Variants in SCN8A observed in about 807,000 individuals in gnomAD.
SCN8A encodes sodium channel protein type 8 subunit alpha.
A neutral mutation model predicts 184.1 loss-of-function variants in SCN8A; 30 were observed. The ratio of observed to expected loss-of-function variants is 0.16; its 90% CI spans 0.12 to 0.22. SCN8A has a LOEUF of 0.22. Ranked by LOEUF, SCN8A falls within the 10% of genes least tolerant of loss-of-function variation. The pLI is 1.00. For missense variants in SCN8A, 1,057 were observed against 2,498.9 expected (o/e 0.42, Z 12.30); for synonymous variants, 852 against 907.0 (o/e 0.94, Z 1.09).
chr12:51,613,033 C>A (rs1939756907), intron 1 of SCN8A, among the ~76,000 whole-genome samples: 1 of 152,080 alleles, frequency 6.6e-6, no homozygotes, highest in Admixed American at 6.6e-5. Flanking sequence ...ATTTGCTAAT[C>A]TTTTTGTTGA....
chr12:51,718,829 CAT>C (rs764991414), intron 11 of SCN8A, among the ~76,000 whole-genome samples: 1 of 151,942 alleles, frequency 6.6e-6, no homozygotes, highest in African/African-American at 2.4e-5. Flanking sequence ...AAGAGTAACT[CAT>C]GTGAGAATAA....
chr12:51,625,620 C>T (rs1004961824), intron 1 of SCN8A, among the ~76,000 whole-genome samples: 2 of 152,176 alleles, frequency 1.3e-5, no homozygotes, highest in Non-Finnish European at 2.9e-5. Context: ...AATCACCCCT[C>T]CCCCTCTTTT....
At chr12:51,625,195 C>T (rs569457559) in intron 1 of SCN8A, among the ~76,000 whole-genome samples, 2 of 152,318 alleles carry the variant, frequency 1.3e-5, no homozygotes, top group South Asian at 4.1e-4. Flanking sequence ...AGTCAAACAC[C>T]TTCCACTGCA....
chr12:51,598,300 C>T (rs978913661), intron 1 of SCN8A, among the ~76,000 whole-genome samples: 14 of 152,116 alleles, frequency 9.2e-5, no homozygotes, highest in African/African-American at 3.4e-4. Flanking sequence ...ATTCACTCCC[C>T]TCCAACAATT....
Position 51,807,480 on chromosome 12 carries a change from A to T in SCN8A, c.*51A>T. 1 of 1,528,638 alleles carries T rather than the reference A, an allele frequency of 6.5e-7. No homozygotes were observed. 94.7% of individuals were successfully genotyped at this position (1,528,638 alleles called of 1,614,324 possible). On this transcript the variant is annotated 3_prime_UTR_variant, in exon 27 of 27. Coordinates refer to ENST00000627620, the MANE Select transcript of SCN8A (RefSeq NM_001330260.2). The surrounding 1 kb of genome is among the most constrained non-coding windows in gnomAD (Gnocchi z 4.5). ...CAGATCTAAAACTCGCAAGTGAAAGATTGTTTACAAACTTCCTGAATATTA... is the reference window on the plus strand; with the variant it reads ...CAGATCTAAAACTCGCAAGTGAAAGTTTGTTTACAAACTTCCTGAATATTA...
At chr12:51,753,569 A>G (rs986873356) in intron 14 of SCN8A, among the ~76,000 whole-genome samples, 4 of 152,232 alleles carry the variant, frequency 2.6e-5, no homozygotes, top group South Asian at 2.1e-4. Context: ...TTTGTTGCCA[A>G]TCAACACGAG....
chr12:51,656,383 C>A (rs966094548), intron 1 of SCN8A, among the ~76,000 whole-genome samples: 2 of 151,914 alleles, frequency 1.3e-5, no homozygotes, highest in African/African-American at 4.8e-5. Context: ...ACCTACATGG[C>A]CTTGGAATAG....
intron 20 of SCN8A, 84 bp from the exon 21 acceptor site, chr12:51,780,565 C>CTTTCTTTTT (rs1937873239): frequency 1.1e-4 from 33 of 297,812 alleles, no homozygotes; most frequent in Admixed American, 3.3e-4. Flanking sequence ...TGTTTTCTTT[C>CTTTCTTTTT]TTTTTTTTTT....
At chr12:51,782,085 T>A (rs1937941676) in intron 21 of SCN8A, among the ~76,000 whole-genome samples, 1 of 152,264 alleles carries the variant, frequency 6.6e-6, no homozygotes, top group South Asian at 2.1e-4. Context: ...AATTCATGTT[T>A]CTTCTGTAGC....
chr12:51,683,756 G>A (rs1445664233), intron 2 of SCN8A, among the ~76,000 whole-genome samples: 1 of 151,804 alleles, frequency 6.6e-6, no homozygotes, highest in Non-Finnish European at 1.5e-5. Context: ...TAAACTCTTC[G>A]GGCCAAGACT....
At chr12:51,597,323 C>T (rs1454694528) in intron 1 of SCN8A, among the ~76,000 whole-genome samples, 1 of 152,134 alleles carries the variant, frequency 6.6e-6, no homozygotes, top group Non-Finnish European at 1.5e-5. Flanking sequence ...AAGCACTGAA[C>T]TCCCTCAAAA....
chr12:51,721,151 A>G (rs1224328517), intron 11 of SCN8A, among the ~76,000 whole-genome samples: 1 of 133,060 alleles, frequency 7.5e-6, no homozygotes, highest in African/African-American at 2.7e-5. Context: ...TTATTGTTAT[A>G]TATATGATAA....
At chr12:51,623,895 G>A (rs966236360) in intron 1 of SCN8A, among the ~76,000 whole-genome samples, 10 of 152,082 alleles carry the variant, frequency 6.6e-5, no homozygotes, top group Non-Finnish European at 1.2e-4. Flanking sequence ...ATAGTTTGCT[G>A]AGAATGATGG....
intron 20 of SCN8A, among the ~76,000 whole-genome samples, chr12:51,777,823 A>G (rs1937755397): frequency 6.6e-6 from 1 of 152,216 alleles, no homozygotes; most frequent in Non-Finnish European, 1.5e-5. Context: ...AGTTTCTTGC[A>G]ATCTTTACCT....
intron 1 of SCN8A, among the ~76,000 whole-genome samples, chr12:51,654,880 T>C (rs1940789913): frequency 6.6e-6 from 1 of 152,152 alleles, no homozygotes; most frequent in Non-Finnish European, 1.5e-5. Flanking sequence ...TTTTTGTGTG[T>C]TCTAGCATAA....
At position 51,806,173 on chromosome 12, in the gene SCN8A, T is replaced by C. The variant is rs532578397; in HGVS notation, c.4796-109T>C. 4.5e-5 allele frequency: 48 copies of C among 1,054,954 alleles called. 1 individual carries two copies. The Middle Eastern group carries it at 1.3e-3, about 28-fold the overall frequency. The allele number at this position is 1,054,954 out of a possible 1,614,324, so 65.3% of individuals were successfully genotyped here. On this transcript the variant is annotated intron_variant, in intron 26 of 26. Transcript: ENST00000627620. This position sits in a 1 kb window ranked among gnomAD's most constrained non-coding sequence, Gnocchi z 8.7. ...TTCAGACTGAATAGTAAGGCACTTA[T>C]TCTGCAAAGCCCTTTGAACCTAAGG...
intron 1 of SCN8A, among the ~76,000 whole-genome samples, chr12:51,649,975 A>G (rs1290679085): frequency 2.6e-5 from 4 of 152,224 alleles, no homozygotes; most frequent in Non-Finnish European, 5.9e-5. Context: ...ACAGCATCCA[A>G]GTCACCTCTT....
chr12:51,640,270 A>G (rs1303120112), intron 1 of SCN8A, among the ~76,000 whole-genome samples: 3 of 125,180 alleles, frequency 2.4e-5, no homozygotes, highest in Non-Finnish European at 4.7e-5. Context: ...GTGCTTTCCT[A>G]CACTTAATAG....
intron 1 of SCN8A, among the ~76,000 whole-genome samples, chr12:51,615,905 T>C (rs1668229762): frequency 6.6e-6 from 1 of 151,974 alleles, no homozygotes; most frequent in African/African-American, 2.4e-5. Flanking sequence ...GAAAAAATTT[T>C]TTTTTTGCAG....
Sources: gnomAD v4.1 joint callset for allele counts (sites outside exome capture counted in the v4.1 genomes callset) on GRCh38, gnomAD v4.1.1 for gene constraint, Gnocchi (gnomAD v3.1) non-coding constraint, MANE v1.5 for transcripts, NCBI Gene and HGNC (gene_info 2026-07-23, HGNC 2026-07-21) for gene names.